PTPRD: variants seen among roughly 807,000 people sequenced by gnomAD.
PTPRD encodes the protein protein tyrosine phosphatase receptor type D, also known as receptor-type tyrosine-protein phosphatase delta.
In PTPRD, 34 loss-of-function variants were observed where a neutral mutation model predicts 214.5. That is an observed-to-expected ratio of 0.16 (90% CI 0.12 to 0.21). The LOEUF (loss-of-function observed/expected upper bound fraction) is 0.21. PTPRD is among the 10% of genes least tolerant of loss of function. PTPRD has a pLI of 1.00. For synonymous variants in PTPRD, 1,128 were observed against 845.7 expected (o/e 1.33, Z -5.79); for missense variants, 2,545 against 2,398.7 (o/e 1.06, Z -1.27).
At chr9:10,192,694 G>T (rs1035576712) in intron 3 of PTPRD, among the ~76,000 whole-genome samples, 2 of 152,052 alleles carry the variant, frequency 1.3e-5, no homozygotes, top group Admixed American at 6.6e-5. Context: ...TCCTAACCTT[G>T]CTCTCAGATT....
intron 3 of PTPRD, among the ~76,000 whole-genome samples, chr9:10,120,422 T>C (rs12236481): frequency 0.14 from 21,652 of 151,766 alleles, 1,613 homozygotes; most frequent in South Asian, 0.28. Flanking sequence ...AACTAAAGAG[T>C]TCAATTAATT....
At chr9:10,356,929 C>T (rs2097290323) in intron 2 of PTPRD, among the ~76,000 whole-genome samples, 1 of 152,050 alleles carries the variant, frequency 6.6e-6, no homozygotes, top group South Asian at 2.1e-4. Flanking sequence ...GATCCACCCA[C>T]CTCGGCCTCC....
chr9:10,261,039 GTATA>G (rs1462979208), intron 3 of PTPRD, among the ~76,000 whole-genome samples: 18 of 143,240 alleles, frequency 1.3e-4, no homozygotes, highest in Non-Finnish European at 2.6e-4. Context: ...TTATATATGT[GTATA>G]TATATTATAT....
intron 8 of PTPRD, among the ~76,000 whole-genome samples, chr9:9,515,960 A>G (rs2096827457): frequency 6.6e-6 from 1 of 152,118 alleles, no homozygotes; most frequent in African/African-American, 2.4e-5. Context: ...TCACATTTGG[A>G]AGACCAAATT....
intron 35 of PTPRD, among the ~76,000 whole-genome samples, chr9:8,436,203 A>G (rs1590366729): frequency 6.6e-6 from 1 of 150,774 alleles, no homozygotes; most frequent in South Asian, 2.2e-4. Context: ...AGGGCTGGCA[A>G]AAGGGGAGAT....
At chr9:10,370,600 G>A (rs1356284863) in intron 2 of PTPRD, among the ~76,000 whole-genome samples, 1 of 151,998 alleles carries the variant, frequency 6.6e-6, no homozygotes, top group African/African-American at 2.4e-5. Flanking sequence ...ATTTTGAATT[G>A]AAGTCTTTCT....
chr9:10,395,953 A>ATG (rs1555278416), intron 2 of PTPRD, among the ~76,000 whole-genome samples: 1 of 137,178 alleles, frequency 7.3e-6, no homozygotes, highest in Non-Finnish European at 1.5e-5. Context: ...CATAGAGAGA[A>ATG]TGAGAGAGAG....
At chr9:9,085,843 C>T (rs1389829139) in intron 10 of PTPRD, among the ~76,000 whole-genome samples, 1 of 152,068 alleles carries the variant, frequency 6.6e-6, no homozygotes, top group Non-Finnish European at 1.5e-5. Context: ...TTAAGCCTCT[C>T]GAATCTAGAG....
intron 9 of PTPRD, among the ~76,000 whole-genome samples, chr9:9,366,796 T>C (rs2058011200): frequency 6.6e-6 from 1 of 151,470 alleles, no homozygotes; most frequent in African/African-American, 2.4e-5. Flanking sequence ...TCATTATTAG[T>C]AAACATACAT....
intron 10 of PTPRD, among the ~76,000 whole-genome samples, chr9:9,028,098 A>G (rs766181816): frequency 6.6e-5 from 10 of 151,926 alleles, no homozygotes; most frequent in Non-Finnish European, 1.2e-4. Context: ...CTTTCAACAC[A>G]TCCACAGAGT....
intron 9 of PTPRD, among the ~76,000 whole-genome samples, chr9:9,222,920 C>T (rs936794340): frequency 6.6e-6 from 1 of 151,962 alleles, no homozygotes; most frequent in South Asian, 2.1e-4. Context: ...AAAAACAATG[C>T]AGATTAATAA....
intron 10 of PTPRD, among the ~76,000 whole-genome samples, chr9:9,182,163 C>G (rs776178303): frequency 6.6e-5 from 10 of 152,014 alleles, no homozygotes; most frequent in Non-Finnish European, 1.2e-4. Flanking sequence ...AAATTTACTA[C>G]AATCTTCGTT....
intron 4 of PTPRD, among the ~76,000 whole-genome samples, chr9:9,939,489 G>C (rs1217539917): frequency 6.6e-6 from 1 of 152,072 alleles, no homozygotes; most frequent in Non-Finnish European, 1.5e-5. Context: ...CTGCAATTTG[G>C]TGACCTCCTT....
In PTPRD at chr9:8,704,970, C is replaced by T. The variant is rs75222026; in HGVS notation, c.64+28810G>A. ...AAAGAAATAAAAGAAAGTTCAATGGCTCTCAATCTTTTTCTCCCTCTATTG... is the reference window on the plus strand; with the variant it reads ...AAAGAAATAAAAGAAAGTTCAATGGTTCTCAATCTTTTTCTCCCTCTATTG... On this transcript the variant is annotated intron_variant, in intron 12 of 45. Transcript: ENST00000381196. Among the ~76,000 whole-genome samples the T allele has an allele frequency of 9.2e-3, 1,390 of 151,796 alleles. 37 individuals are homozygous for T. The highest frequency in any genetic ancestry group is 0.045 in the Admixed American group (692 of 15,220).
intron 10 of PTPRD, among the ~76,000 whole-genome samples, chr9:9,176,064 T>C (rs1173355883): frequency 6.6e-6 from 1 of 152,128 alleles, no homozygotes; most frequent in Non-Finnish European, 1.5e-5. Context: ...AATTCAGCAA[T>C]CTCACATTGC....
At chr9:8,901,206 A>C (rs999511608) in intron 11 of PTPRD, among the ~76,000 whole-genome samples, 7 of 152,178 alleles carry the variant, frequency 4.6e-5, no homozygotes, top group African/African-American at 7.2e-5. Flanking sequence ...AGTGTATACC[A>C]CGACACAAAT....
intron 3 of PTPRD, among the ~76,000 whole-genome samples, chr9:10,075,824 G>A (rs2098123892): frequency 6.6e-6 from 1 of 151,816 alleles, no homozygotes; most frequent in African/African-American, 2.4e-5. Context: ...CAAGGGCTGA[G>A]GTTCTTTTCA....
rs189365463 is a variant in PTPRD, at chr9:9,613,659, A to G, written c.-286-38878T>C. ...TAATATATCGGTCTTTTCCAATCAC[A>G]TTTTTCTCTTACTCATTTCTACAGT... On this transcript the variant is annotated intron_variant, in intron 7 of 45. Transcript: ENST00000381196. 7.2e-5 allele frequency among the ~76,000 whole-genome samples: 11 copies of G among 152,074 alleles called. 1 individual carries two copies. Among genetic ancestry groups the G allele is most frequent in the African/African-American group, 1.7e-4 (7 of 41,480 alleles).
rs541735076 is a variant in PTPRD at position 10,158,547 on chromosome 9, C to A, written c.-544-124757G>T. 3.3e-3 allele frequency among the ~76,000 whole-genome samples: 502 copies of A among 152,158 alleles called. 4 individuals are homozygous for A. The highest frequency in any genetic ancestry group is 0.011 in the African/African-American group (460 of 41,514). ...TAGCTTCACTGCCACTCATAGGAAA[C>A]CAGAAACAAATACATAATGCTGTGG... On this transcript the variant is annotated intron_variant, in intron 3 of 45. Coordinates refer to ENST00000381196, the MANE Select transcript of PTPRD (RefSeq NM_002839.4).
Sources: gnomAD v4.1 joint callset for allele counts (sites outside exome capture counted in the v4.1 genomes callset) on GRCh38, gnomAD v4.1.1 for gene constraint, MANE v1.5 for transcripts, NCBI Gene and HGNC (gene_info 2026-07-23, HGNC 2026-07-21) for gene names.